MAX: variants seen among roughly 807,000 people sequenced by gnomAD.
MAX encodes MYC associated transcriptional regulator X.
In MAX, 3 loss-of-function variants were observed where a neutral mutation model predicts 22.3. The observed-to-expected ratio is 0.13, with a 90% CI of 0.06 to 0.35. The LOEUF (loss-of-function observed/expected upper bound fraction) is 0.35, where lower values mean the gene tolerates loss of function less well. Ranked by LOEUF, MAX falls within the 10% of genes least tolerant of loss-of-function variation. MAX has a pLI of 1.00. For missense variants in MAX, 119 were observed against 209.4 expected (o/e 0.57, Z 2.66); for synonymous variants, 72 against 77.7 (o/e 0.93, Z 0.39).
At chr14:65,072,882 C>T (rs1252970692), downstream of MAX, among the ~76,000 whole-genome samples, 1 of 152,212 alleles carries the variant, frequency 6.6e-6, no homozygotes, top group Admixed American at 6.5e-5. Context: ...TGTCACCTTG[C>T]TCTCTTTAGT....
intron 3 of MAX, among the ~76,000 whole-genome samples, chr14:65,040,247 CTA>C (rs965434421): frequency 2.7e-5 from 4 of 148,116 alleles, no homozygotes; most frequent in Non-Finnish European, 4.5e-5. Flanking sequence ...ATGGTTATCA[CTA>C]TATATATATG....
chr14:65,061,861 G>A (rs1415202884), intron 3 of MAX: 1 of 155,216 alleles, frequency 6.4e-6, no homozygotes, highest in East Asian at 1.9e-4. Flanking sequence ...AAGAGCTGGA[G>A]GTGGGGAGAG....
rs1436252629 is a variant in MAX at position 65,047,476 on chromosome 14, T to C, written c.172-41192A>G. ...AATGCTAATCAAAAGAGTGGCACTA[T>C]TTGTTTTTATTATTGGATTGGCAGA... On this transcript the variant is annotated intron_variant, in intron 3 of 3. Coordinates refer to the MAX transcript ENST00000341653. The surrounding 1 kb of genome is among the most constrained non-coding windows in gnomAD (Gnocchi z 5.2). Among the ~76,000 whole-genome samples the C allele has an allele frequency of 6.6e-6, 1 of 152,214 alleles. No individual in the cohort carries two copies. Among genetic ancestry groups the C allele is most frequent in the African/African-American group, 2.4e-5 (1 of 41,444 alleles).
intron 3 of MAX, among the ~76,000 whole-genome samples, chr14:65,050,570 G>A (rs548602519): frequency 3.2e-4 from 49 of 152,290 alleles, no homozygotes; most frequent in African/African-American, 1.1e-3. Context: ...CAGCCTGGGC[G>A]ACAGAGCAAG....
Position 65,044,231 on chromosome 14 carries a change from G to A in MAX, c.172-37947C>T. 1 of 1,601,984 alleles carries A rather than the reference G, an allele frequency of 6.2e-7. No homozygotes were observed. The highest frequency in any genetic ancestry group is 8.5e-7 in the Non-Finnish European group (1 of 1,175,946). On this transcript the variant is annotated intron_variant, in intron 3 of 3. Transcript: ENST00000341653. The surrounding 1 kb of genome is among the most constrained non-coding windows in gnomAD (Gnocchi z 5.5). ...AAGATGGGAAACCCTCCATCCCACA[G>A]ATTGACTCCTGGAGATTCTGTCGGG...
At chr14:65,035,979 G>A (rs985226485) in intron 3 of MAX, among the ~76,000 whole-genome samples, 3 of 151,656 alleles carry the variant, frequency 2.0e-5, no homozygotes, top group African/African-American at 7.3e-5. Flanking sequence ...CCACAGGTGT[G>A]CACCACAACA....
At position 65,102,289 on chromosome 14, in the gene MAX, A is replaced by C. The variant is rs2063873473; in HGVS notation, c.36+15T>G. The C allele has an allele frequency of 6.2e-7, 1 of 1,613,536 alleles. No homozygotes were observed. The highest frequency in any genetic ancestry group is 1.7e-5 in the Admixed American group (1 of 59,982). On this transcript the variant is annotated intron_variant, in intron 1 of 4. Coordinates refer to ENST00000358664, the MANE Select transcript of MAX (RefSeq NM_002382.5). ...CTGACAACCCGCACGGGAAGGAAGA[A>C]GCCCCAGGACTCACGTCGCTCTCCA...
rs2063068621 is a variant in MAX at position 65,076,721 on chromosome 14, G to A, written c.296-58C>T. 2 of 1,604,262 alleles carry A rather than the reference G, an allele frequency of 1.2e-6. No homozygotes were observed. Among genetic ancestry groups the A allele is most frequent in the African/African-American group, 1.3e-5 (1 of 74,868 alleles). ...TTCTGGAGACTTGGGGAGTAACCGA[G>A]TCTCAGACTCAGGGTCCAGCCTGTT... On this transcript the variant is annotated intron_variant, in intron 4 of 4. Coordinates refer to ENST00000358664, the MANE Select transcript of MAX (RefSeq NM_002382.5). The surrounding 1 kb of genome is among the most constrained non-coding windows in gnomAD (Gnocchi z 6.6).
Position 65,032,650 on chromosome 14 carries a change from A to G in MAX, c.172-26366T>C, listed in dbSNP as rs2062109058. On this transcript the variant is annotated intron_variant, in intron 3 of 3. Coordinates refer to the MAX transcript ENST00000341653. This position sits in a 1 kb window ranked among gnomAD's most constrained non-coding sequence, Gnocchi z 5.0. ...TGCCTCCGTAGCCTCGCTGACCAACATCATCACTCCAGACCTCTTTGAGGG... is the reference window on the plus strand; with the variant it reads ...TGCCTCCGTAGCCTCGCTGACCAACGTCATCACTCCAGACCTCTTTGAGGG... 1 of 1,613,974 alleles carries G rather than the reference A, an allele frequency of 6.2e-7. No homozygotes were observed. The highest frequency in any genetic ancestry group is 8.5e-7 in the Non-Finnish European group (1 of 1,180,006).
chr14:65,089,920 T>G (rs971315204), intron 3 of MAX: 1 of 152,048 alleles, frequency 6.6e-6, no homozygotes, highest in Non-Finnish European at 1.5e-5. Context: ...CCACATACAG[T>G]TGAGAAACTG....
chr14:65,067,081 G>A (rs938161783), intron 3 of MAX, among the ~76,000 whole-genome samples: 3 of 151,424 alleles, frequency 2.0e-5, no homozygotes, highest in African/African-American at 7.3e-5. Flanking sequence ...AGCTACTTGG[G>A]AGGCTAAGAT....
In MAX at chr14:65,054,753, A is replaced by C; in HGVS notation, c.171+38955T>G. 1 of 1,513,882 alleles carries C rather than the reference A, an allele frequency of 6.6e-7. No homozygotes were observed. Among genetic ancestry groups the C allele is most frequent in the Non-Finnish European group, 9.0e-7 (1 of 1,114,068 alleles). 93.8% of individuals were successfully genotyped at this position (1,513,882 alleles called of 1,614,324 possible). On this transcript the variant is annotated intron_variant, in intron 3 of 3. Coordinates refer to the MAX transcript ENST00000341653. This position sits in a 1 kb window ranked among gnomAD's most constrained non-coding sequence, Gnocchi z 4.4. ...GGACCTCGCGGACAGAAGGCTTTCCAAGTAAGCAGAACTGGCTCTGCATTT... is the reference window on the plus strand; with the variant it reads ...GGACCTCGCGGACAGAAGGCTTTCCCAGTAAGCAGAACTGGCTCTGCATTT...
intron 2 of MAX, among the ~76,000 whole-genome samples, chr14:65,096,438 T>G (rs1347336806): frequency 6.6e-6 from 1 of 152,150 alleles, no homozygotes; most frequent in Non-Finnish European, 1.5e-5. Context: ...AAAGAGCACA[T>G]GAAAAACAGA....
Position 65,014,800 on chromosome 14 carries a change from C to T in MAX, c.172-8516G>A, listed in dbSNP as rs371519395. ...CTGCACTCTAGCCTGGGTGACAGAG[C>T]GAGACCCTGTCTCAAAAAAATAAAC... On this transcript the variant is annotated intron_variant, in intron 3 of 3. Coordinates refer to the MAX transcript ENST00000341653. The surrounding 1 kb of genome is among the most constrained non-coding windows in gnomAD (Gnocchi z 5.1). Among the ~76,000 whole-genome samples, 1 of 152,044 alleles carries T rather than the reference C, an allele frequency of 6.6e-6. No homozygotes were observed. Among genetic ancestry groups the T allele is most frequent in the African/African-American group, 2.4e-5 (1 of 41,386 alleles).
intron 3 of MAX, among the ~76,000 whole-genome samples, chr14:65,024,675 CA>C (rs1255810814): frequency 2.0e-5 from 3 of 152,156 alleles, no homozygotes; most frequent in African/African-American, 7.2e-5. Flanking sequence ...TTGTTTTTCA[CA>C]AAATGTGCCA....
intron 3 of MAX, among the ~76,000 whole-genome samples, chr14:65,018,244 G>T (rs1433166176): frequency 2.6e-5 from 4 of 152,116 alleles, no homozygotes; most frequent in African/African-American, 4.8e-5. Flanking sequence ...AGGAGGCCGA[G>T]ACAGGAGTTC....
intron 3 of MAX, among the ~76,000 whole-genome samples, chr14:65,068,727 C>T (rs2062956930): frequency 6.6e-6 from 1 of 152,148 alleles, no homozygotes; most frequent in Non-Finnish European, 1.5e-5. Context: ...TTTATCATCC[C>T]TTTTCTTTCA....
In MAX at chr14:65,060,697, CAAAAAAAAAAAAAA is replaced by C. The variant is rs59036615; in HGVS notation, c.171+32997_171+33010del. On this transcript the variant is annotated intron_variant, in intron 3 of 3. Coordinates refer to the MAX transcript ENST00000341653. ...GGCGACAGAGCGAGAGACTCCGTCT[CAAAAAAAAAAAAAA>C]AAAATACAAAAATTACCCAGGCGTG... Among the ~76,000 whole-genome samples, 135 of 48,608 alleles carry C rather than the reference CAAAAAAAAAAAAAA, an allele frequency of 2.8e-3. 38 individuals are homozygous for C. In the African/African-American group the frequency reaches 0.032, roughly 12 times the overall value. 31.9% of individuals were successfully genotyped at this position (48,608 alleles called of 152,430 possible).
chr14:65,021,037 C>G (rs60577293), intron 3 of MAX, among the ~76,000 whole-genome samples: 1 of 152,212 alleles, frequency 6.6e-6, no homozygotes, highest in Admixed American at 6.5e-5. Flanking sequence ...GCCTAGCTTC[C>G]CTCTTTTAAG....
Sources: allele counts gnomAD v4.1 joint callset (sites outside exome capture counted in the v4.1 genomes callset), GRCh38; gene constraint gnomAD v4.1.1; non-coding constraint Gnocchi (gnomAD v3.1); transcripts MANE v1.5; gene names NCBI Gene and HGNC (gene_info 2026-07-23, HGNC 2026-07-21).